Variants in NAV2 observed in about 807,000 individuals in gnomAD.
The protein encoded by NAV2 is neuron navigator 2.
NAV2 carries 54 observed loss-of-function variants against 223.2 expected under a neutral mutation model. That is an observed-to-expected ratio of 0.24 (90% CI 0.19 to 0.30). The LOEUF (loss-of-function observed/expected upper bound fraction) is 0.30. Among genes scored for constraint, NAV2 ranks in the 10% least tolerant of loss-of-function variants. The pLI is 1.00. For missense variants in NAV2, 2,806 were observed against 3,147.5 expected, an observed-to-expected ratio of 0.89 and a Z score of 2.60; for synonymous variants, 1,279 against 1,239.3, an observed-to-expected ratio of 1.03 and a Z score of -0.67.
chr11:19,426,306 G>T (rs1850823297), intron 1 of NAV2, among the ~76,000 whole-genome samples: 2 of 152,122 alleles, frequency 1.3e-5, no homozygotes, highest in South Asian at 4.2e-4. Flanking sequence ...GGGAAGTGCG[G>T]CTGGCAGTCT....
At chr11:19,646,142 G>A (rs2047810534) in intron 1 of NAV2, among the ~76,000 whole-genome samples, 2 of 152,230 alleles carry the variant, frequency 1.3e-5, no homozygotes. Flanking sequence ...GGGGTTGAAT[G>A]AGAGGCCAGG....
At chr11:19,594,256 C>T (rs2046141821) in intron 1 of NAV2, among the ~76,000 whole-genome samples, 1 of 152,096 alleles carries the variant, frequency 6.6e-6, no homozygotes, top group African/African-American at 2.4e-5. Flanking sequence ...GGCCCATTTA[C>T]CAGGTTGAGG....
chr11:19,450,762 G>T (rs1181037731), intron 1 of NAV2, among the ~76,000 whole-genome samples: 1 of 152,114 alleles, frequency 6.6e-6, no homozygotes, highest in African/African-American at 2.4e-5. Context: ...GTTTGGTTTG[G>T]CAGGGACGCG....
chr11:19,769,655 C>T (rs1369454426), intron 1 of NAV2, among the ~76,000 whole-genome samples: 1 of 152,180 alleles, frequency 6.6e-6, no homozygotes. Flanking sequence ...TGCAAACAAC[C>T]ATGTCCTGGG....
intron 1 of NAV2, among the ~76,000 whole-genome samples, chr11:19,369,243 A>G (rs1181445800): frequency 6.6e-6 from 1 of 152,214 alleles, no homozygotes; most frequent in Non-Finnish European, 1.5e-5. Flanking sequence ...TATATTCTTT[A>G]GGGAGTCTAG....
intron 35 of NAV2, among the ~76,000 whole-genome samples, chr11:20,106,433 A>G (rs186791201): frequency 0.01 from 1,435 of 142,322 alleles, 14 homozygotes; most frequent in African/African-American, 0.035. Flanking sequence ...GGTGGCATGC[A>G]CCTGTAATCC....
chr11:19,679,269 A>G (rs1257664443), intron 1 of NAV2, among the ~76,000 whole-genome samples: 8 of 152,028 alleles, frequency 5.3e-5, no homozygotes, highest in African/African-American at 1.9e-4. Context: ...TATCTCTACT[A>G]AAAATACAAA....
intron 4 of NAV2, among the ~76,000 whole-genome samples, chr11:19,870,218 T>G (rs1034623545): frequency 6.6e-6 from 1 of 151,966 alleles, no homozygotes. Flanking sequence ...GGGGATAAGA[T>G]CAGGGCTGGC....
At chr11:19,924,305 A>AC (rs1003166945) in intron 6 of NAV2, among the ~76,000 whole-genome samples, 4 of 151,548 alleles carry the variant, frequency 2.6e-5, no homozygotes, top group Non-Finnish European at 5.9e-5. Flanking sequence ...TAAAAAAAAA[A>AC]AAAAAACAAA....
At chr11:19,404,787 TTC>T (rs1849825040) in intron 1 of NAV2, among the ~76,000 whole-genome samples, 3 of 152,238 alleles carry the variant, frequency 2.0e-5, no homozygotes, top group Non-Finnish European at 2.9e-5. Context: ...ATTTATTTCC[TTC>T]CAATGAATTC....
chr11:19,950,642 G>A (rs902563808), intron 10 of NAV2, among the ~76,000 whole-genome samples: 5 of 152,198 alleles, frequency 3.3e-5, no homozygotes, highest in East Asian at 3.9e-4. Context: ...ATCTTGGGTA[G>A]TGAAATCTTT....
intron 1 of NAV2, among the ~76,000 whole-genome samples, chr11:19,537,425 A>T (rs2044221027): frequency 6.6e-6 from 1 of 152,230 alleles, no homozygotes; most frequent in Non-Finnish European, 1.5e-5. Flanking sequence ...GAAATCAAGT[A>T]ACTTTCCCAA....
At chr11:19,816,403 C>T (rs115230697) in intron 1 of NAV2, among the ~76,000 whole-genome samples, 312 of 152,358 alleles carry the variant, frequency 2.0e-3, no homozygotes, top group African/African-American at 7.2e-3. Flanking sequence ...GCTGGAGGGC[C>T]ATGGCCATTT....
At chr11:19,425,123 TG>T (rs1850775206) in intron 1 of NAV2, among the ~76,000 whole-genome samples, 1 of 152,180 alleles carries the variant, frequency 6.6e-6, no homozygotes, top group East Asian at 1.9e-4. Context: ...TAAGGCAAAG[TG>T]GCAAGGCTCA....
Position 20,103,270 on chromosome 11 carries a change from C to T in NAV2, c.6433C>T (p.Leu2145=), listed in dbSNP as rs2061769359. The T allele has an allele frequency of 6.2e-7, 1 of 1,613,474 alleles. No individual in the cohort carries two copies. Among genetic ancestry groups the T allele is most frequent in the Non-Finnish European group, 8.5e-7 (1 of 1,179,708 alleles). The change falls in exon 33 of 38, where the codon CTG becomes TTG. Residue 2145 remains leucine, a synonymous_variant. Transcript: ENST00000349880. ...HKSSKELRQY[L]SNLADQCNSE... is the part of the protein sequence containing the mutation. ...GCCACCATAGGAATTGCGCCAGTAC[C>T]TGTCCAACCTTGCTGACCAGTGCAA... is the stretch of plus-strand genomic sequence containing the variant.
chr11:19,497,319 G>A (rs1419207928), intron 1 of NAV2, among the ~76,000 whole-genome samples: 4 of 152,244 alleles, frequency 2.6e-5, no homozygotes, highest in Non-Finnish European at 5.9e-5. Flanking sequence ...AATTTGTGAA[G>A]TAAAACATAG....
At chr11:19,876,808 TA>T (rs1191575533) in intron 4 of NAV2, among the ~76,000 whole-genome samples, 134 of 144,130 alleles carry the variant, frequency 9.3e-4, no homozygotes, top group South Asian at 8.8e-4. Flanking sequence ...CTTGCATGGT[TA>T]AAAAAAAAAA....
In NAV2 at chr11:19,495,325, G is replaced by C. The variant is rs568227775; in HGVS notation, c.75+144298G>C. Among the ~76,000 whole-genome samples, 10 of 152,334 alleles carry C rather than the reference G, an allele frequency of 6.6e-5. No individual in the cohort carries two copies. In the South Asian group the frequency reaches 1.9e-3, roughly 28 times the overall value. On this transcript the variant is annotated intron_variant, in intron 1 of 37. Transcript: ENST00000360655. ...TAGTCCCTGCCCCTGCCATCCAGAT[G>C]CACAGACTCTAAAGGGAGTGACAGG...
intron 1 of NAV2, among the ~76,000 whole-genome samples, chr11:19,630,952 A>G (rs1433857597): frequency 6.6e-6 from 1 of 151,472 alleles, no homozygotes; most frequent in African/African-American, 2.4e-5. Context: ...AAAAGAAAAA[A>G]AAAAGAAAGA....
Sources: allele counts gnomAD v4.1 joint callset (sites outside exome capture counted in the v4.1 genomes callset), GRCh38; gene constraint gnomAD v4.1.1; transcripts MANE v1.5; gene names NCBI Gene and HGNC (gene_info 2026-07-23, HGNC 2026-07-21).